The following CMTR2 variants were observed in gnomAD, a reference collection of about 807,000 sequenced individuals.
CMTR2 encodes cap-specific mRNA (nucleoside-2'-O-)-methyltransferase 2.
In CMTR2, 40 loss-of-function variants were observed where a neutral mutation model predicts 49.8. The ratio of observed to expected loss-of-function variants is 0.80; its 90% confidence interval spans 0.62 to 1.04. The LOEUF (loss-of-function observed/expected upper bound fraction) is 1.04, where lower values mean the gene tolerates loss of function less well. Among genes scored for constraint, CMTR2 ranks in the 50% least tolerant of loss-of-function variants. The pLI is 0.00. For missense variants in CMTR2, 907 were observed against 897.2 expected, an observed-to-expected ratio of 1.01 and a Z score of -0.14; for synonymous variants, 326 against 315.8, an observed-to-expected ratio of 1.03 and a Z score of -0.34.
At chr16:71,286,247 T>C (rs949181841) in intron 2 of CMTR2, among the ~76,000 whole-genome samples, 1 of 151,610 alleles carries the variant, frequency 6.6e-6, no homozygotes, top group African/African-American at 2.4e-5. Context: ...TAAAACATAC[T>C]AGCATATAAA....
intron 1 of CMTR2, 29 bp downstream of exon 1, chr16:71,289,107 G>A (rs1354464907): frequency 2.6e-5 from 4 of 152,570 alleles, no homozygotes; most frequent in East Asian, 1.9e-4. Context: ...TCGAAGGAGG[G>A]CCCGGAATCG....
Position 71,282,480 on chromosome 16 carries a change from A to G in CMTR2, c.*1128T>C, listed in dbSNP as rs1485415046. The G allele has an allele frequency of 6.6e-6, 1 of 152,140 alleles. No individual in the cohort carries two copies. Among genetic ancestry groups the G allele is most frequent in the African/African-American group, 2.4e-5 (1 of 41,446 alleles). The allele number at this position is 152,140 out of a possible 1,614,324, so 9.4% of individuals were successfully genotyped here. On this transcript the variant is annotated 3_prime_UTR_variant, in exon 3 of 3. Transcript: ENST00000434935. ...ATATTCTCCACTTTGTGGAACTTCA[A>G]GATAATGAAAAATTGCTTAATACAC...
Position 71,283,342 on chromosome 16 carries a change from G to T in CMTR2, c.*266C>A, listed in dbSNP as rs2041643117. The T allele has an allele frequency of 2.6e-6, 1 of 391,812 alleles. No individual in the cohort carries two copies. The highest frequency in any genetic ancestry group is 4.6e-6 in the Non-Finnish European group (1 of 219,694). 24.3% of individuals were successfully genotyped at this position (391,812 alleles called of 1,614,324 possible). On this transcript the variant is annotated 3_prime_UTR_variant, in exon 3 of 3. Coordinates refer to ENST00000434935, the MANE Select transcript of CMTR2 (RefSeq NM_018348.6). ...AATGGCATAGGTAAGCATGGCTGTG[G>T]CCACCCATACACATACACACACCTC... is the stretch of plus-strand genomic sequence containing the variant.
chr16:71,288,776 T>C (rs1002825304), intron 2 of CMTR2, 102 bp downstream of exon 2: 5 of 152,202 alleles, frequency 3.3e-5, no homozygotes, highest in African/African-American at 1.2e-4. Flanking sequence ...TGGGTCGCTA[T>C]TACCATTCTC....
upstream of CMTR2, chr16:71,289,421 GC>G (rs2041796974): frequency 6.6e-6 from 1 of 152,234 alleles, no homozygotes; most frequent in Non-Finnish European, 1.5e-5. Flanking sequence ...CTGCGCACGC[GC>G]CCTGTAGGCC....
chr16:71,284,403 T>C lies in CMTR2; in HGVS notation c.1518A>G (p.Lys506=). 6.2e-7 allele frequency: 1 copy of C among 1,613,876 alleles called. No individual in the cohort carries two copies. The highest frequency in any genetic ancestry group is 8.5e-7 in the Non-Finnish European group (1 of 1,179,946). Residue 506 remains lysine, a synonymous_variant, in exon 3 of 3, where the codon AAA becomes AAG. Transcript: ENST00000434935. The stretch of plus-strand genomic sequence containing the variant: ...TTTCACCATTGCAAAAAGGAGAACA[T>C]TTTACCTTTGGCAGTTTCTTTCCCT... ...ILEGKKLPKV[K]CSPFCNGEIL... is the part of the protein sequence containing the mutation.
At chr16:71,287,869 C>G (rs2041756803) in intron 2 of CMTR2, 1 of 152,150 alleles carries the variant, frequency 6.6e-6, no homozygotes, top group Non-Finnish European at 1.5e-5. Flanking sequence ...GCTCCTCTGT[C>G]TTAATTCGCA....
rs967634885 is a variant in CMTR2, at chr16:71,285,315, A to G, written c.606T>C (p.Phe202=). The change falls in exon 3 of 3, where the codon TTT becomes TTC. Residue 202 remains phenylalanine, a synonymous_variant. Transcript: ENST00000434935. ...TGATATCACCAGTGTTATCTGGACCAAAGTACCACCAGTGCAAGGTATTTG... is the reference window on the plus strand; with the variant it reads ...TGATATCACCAGTGTTATCTGGACCGAAGTACCACCAGTGCAAGGTATTTG... ...LIANTLHWWY[F]GPDNTGDIMT... 2 of 1,614,060 alleles carry G rather than the reference A, an allele frequency of 1.2e-6. No homozygotes were observed. The highest frequency in any genetic ancestry group is 2.7e-5 in the African/African-American group (2 of 74,942).
upstream of CMTR2, chr16:71,289,490 C>T (rs2041798917): frequency 6.6e-6 from 1 of 152,218 alleles, no homozygotes; most frequent in South Asian, 2.1e-4. Context: ...CTCGCCTAGG[C>T]CTCAGCTCCC....
Position 71,284,076 on chromosome 16 carries a change from A to G in CMTR2, c.1845T>C (p.Leu615=). ...AELTTFSCSL[L]HDGDPTYQRL... ...GCTGGTAAGTTGGATCTCCATCATG[A>G]AGCAATGAACAGCTAAAAGTTGTGA... The change falls in exon 3 of 3, where the codon CTT becomes CTC. Residue 615 remains leucine (L), a synonymous_variant. Transcript: ENST00000434935. The G allele has an allele frequency of 6.2e-7, 1 of 1,614,078 alleles. No homozygotes were observed. Among genetic ancestry groups the G allele is most frequent in the Non-Finnish European group, 8.5e-7 (1 of 1,179,956 alleles).
rs2041779716 is a variant in CMTR2 at position 71,288,913 on chromosome 16, T to G, written c.-55A>C. The G allele has an allele frequency of 6.6e-6, 1 of 152,234 alleles. No individual in the cohort carries two copies. The allele number at this position is 152,234 out of a possible 1,614,324, so 9.4% of individuals were successfully genotyped here. On this transcript the variant is annotated 5_prime_UTR_variant, in exon 2 of 3. Transcript: ENST00000434935. ...ACACTTATAAAGGAGTTCCAAGTGC[T>G]TCCGCCAACTCCTCCTACCAGCAAC...
At position 71,285,956 on chromosome 16, in the gene CMTR2, C is replaced by T. The variant is rs1230173176; in HGVS notation, c.-19-17G>A. 1 of 1,516,990 alleles carries T rather than the reference C, an allele frequency of 6.6e-7. No individual in the cohort carries two copies. The highest frequency in any genetic ancestry group is 1.4e-5 in the African/African-American group (1 of 71,510). 94.0% of individuals were successfully genotyped at this position (1,516,990 alleles called of 1,614,324 possible). ...AATTAAAATCTAGGAAGAGAAAACA[C>T]ATAATTAAATGAATCAAATTTATTA... On this transcript the variant is annotated splice_polypyrimidine_tract_variant and intron_variant, in intron 2 of 2. Transcript: ENST00000434935.
chr16:71,283,546 C>T lies in CMTR2; in HGVS notation c.*62G>A. The T allele has an allele frequency of 6.6e-7, 1 of 1,525,870 alleles. No homozygotes were observed. Among genetic ancestry groups the T allele is most frequent in the South Asian group, 1.3e-5 (1 of 75,276 alleles). 94.5% of individuals were successfully genotyped at this position (1,525,870 alleles called of 1,614,324 possible). ...AAAGGTTTTTAAATTAATAGAGCAA[C>T]AGGATGCAAATACTGGGCAAATTAT... On this transcript the variant is annotated 3_prime_UTR_variant, in exon 3 of 3. Transcript: ENST00000434935.
Position 71,285,617 on chromosome 16 carries a change from C to T in CMTR2, c.304G>A (p.Val102Ile). 6.2e-7 allele frequency: 1 copy of T among 1,614,136 alleles called. No individual in the cohort carries two copies. Among genetic ancestry groups the T allele is most frequent in the South Asian group, 1.1e-5 (1 of 91,074 alleles). ...AGTTCAGCATTCACAGATTTTCTAA[C>T]ATGAGAAATGATTTTCCCCGCTTTA... ...TNKAGKIISH[V>I]RKSVNAELCT... Residue 102 changes from valine (V) to isoleucine (I), a missense_variant, in exon 3 of 3, where the codon GTT becomes ATT. By Grantham distance (29) the Val-to-Ile change is conservative. Transcript: ENST00000434935.
chr16:71,286,445 G>GT (rs59928825), intron 2 of CMTR2: 10,297 of 78,370 alleles, frequency 0.13, 714 homozygotes, highest in South Asian at 0.24. Context: ...GTGACTTTTC[G>GT]TTTTTTTTTT....
In CMTR2 at chr16:71,283,167, T is replaced by C. The variant is rs2041639874; in HGVS notation, c.*441A>G. On this transcript the variant is annotated 3_prime_UTR_variant, in exon 3 of 3. Coordinates refer to ENST00000434935, the MANE Select transcript of CMTR2 (RefSeq NM_018348.6). ...TCCTTTCCTCAATTACCTCTCTCAA[T>C]TCATTAACAACATTAACCAATGAGA... 6.4e-6 allele frequency: 1 copy of C among 155,544 alleles called. No individual in the cohort carries two copies. 9.6% of individuals were successfully genotyped at this position (155,544 alleles called of 1,614,324 possible). A position where few individuals can be genotyped will look rare whatever the true frequency, so the allele number is the denominator to read the frequency against.
chr16:71,284,166 A>C lies in CMTR2; in HGVS notation c.1755T>G (p.Phe585Leu). ...GCATTTTGATATTACGGAGAGTCGA[A>C]AAGCCCACCAGCAGGCACTTTATTT... ...SNQIKCLLVG[F>L]STLRNIKMHI... Residue 585 changes from phenylalanine (F) to leucine (L), a missense_variant, in exon 3 of 3, where the codon TTT becomes TTG. Transcript: ENST00000434935. 1 of 1,614,008 alleles carries C rather than the reference A, an allele frequency of 6.2e-7. No individual in the cohort carries two copies. Among genetic ancestry groups the C allele is most frequent in the Non-Finnish European group, 8.5e-7 (1 of 1,179,912 alleles).
At position 71,283,502 on chromosome 16, in the gene CMTR2, T is replaced by A; in HGVS notation, c.*106A>T. 1 of 1,299,018 alleles carries A rather than the reference T, an allele frequency of 7.7e-7. No individual in the cohort carries two copies. The highest frequency in any genetic ancestry group is 1.0e-6 in the Non-Finnish European group (1 of 958,416). The allele number at this position is 1,299,018 out of a possible 1,614,324, so 80.5% of individuals were successfully genotyped here. On this transcript the variant is annotated 3_prime_UTR_variant, in exon 3 of 3. Transcript: ENST00000434935. Reference sequence around the variant, plus strand: ...AATGAGACTTTGAATGATGCAAATGTTGGCCTTTCCCCAAAATAAAAGGTT... The same window carrying A: ...AATGAGACTTTGAATGATGCAAATGATGGCCTTTCCCCAAAATAAAAGGTT...
chr16:71,285,292 A>G lies in CMTR2; in HGVS notation c.629T>C (p.Ile210Thr). The change falls in exon 3 of 3, where the codon ATC (isoleucine) becomes ACC (threonine). Residue 210 changes from isoleucine to threonine, a missense_variant. Ile to Thr is a moderately conservative substitution (Grantham distance 89). Coordinates refer to ENST00000434935, the MANE Select transcript of CMTR2 (RefSeq NM_018348.6). ...WYFGPDNTGDIMTLKFLTGLQ... is the reference protein window; with the variant it reads ...WYFGPDNTGDTMTLKFLTGLQ... Reference sequence around the variant, plus strand: ...TCCAGTCAAGAATTTCAGGGTCATGATATCACCAGTGTTATCTGGACCAAA... The same window carrying G: ...TCCAGTCAAGAATTTCAGGGTCATGGTATCACCAGTGTTATCTGGACCAAA... 2 of 1,614,194 alleles carry G rather than the reference A, an allele frequency of 1.2e-6. No homozygotes were observed. Among genetic ancestry groups the G allele is most frequent in the Non-Finnish European group, 1.7e-6 (2 of 1,180,010 alleles).
Sources: allele counts gnomAD v4.1 joint callset (sites outside exome capture counted in the v4.1 genomes callset), GRCh38; gene constraint gnomAD v4.1.1; transcripts MANE v1.5; gene names NCBI Gene and HGNC (gene_info 2026-07-23, HGNC 2026-07-21).